PELP1: variants seen among roughly 807,000 people sequenced by gnomAD.
The protein encoded by PELP1 is proline-, glutamic acid- and leucine-rich protein 1.
A neutral mutation model predicts 95.5 loss-of-function variants in PELP1; 32 were observed. The ratio of observed to expected loss-of-function variants is 0.34; its 90% CI spans 0.25 to 0.45. The LOEUF (loss-of-function observed/expected upper bound fraction) is 0.45. PELP1 is among the 20% of genes least tolerant of loss of function. PELP1 has a pLI of 1.00. For missense variants in PELP1, 1,358 were observed against 1,444.8 expected (o/e 0.94, Z 0.97); for synonymous variants, 668 against 600.1 (o/e 1.11, Z -1.65).
Position 4,674,336 on chromosome 17 carries a change from C to A in PELP1, c.1582+174G>T, listed in dbSNP as rs371704802. Among the ~76,000 whole-genome samples the A allele has an allele frequency of 2.0e-5, 3 of 152,372 alleles. No homozygotes were observed. In the South Asian group the frequency reaches 6.2e-4, roughly 32 times the overall value. On this transcript the variant is annotated intron_variant, in intron 13 of 16. Transcript: ENST00000572293. The stretch of plus-strand genomic sequence containing the variant: ...CGCCTGGCTCTGCATTTCACAGGCA[C>A]CTTCCCCTTCACCTGCTGTTTGGGG...
Position 4,670,703 on chromosome 17 carries a change from G to C in PELP1, c.*736C>G, listed in dbSNP as rs1912161792. On this transcript the variant is annotated 3_prime_UTR_variant, in exon 17 of 17. Coordinates refer to ENST00000572293, the MANE Select transcript of PELP1 (RefSeq NM_014389.3). Reference sequence around the variant, plus strand: ...CCACTGCACTCCAGCCTGGGCGACAGAGCAGGAGTCCATCTCAAAAAAAAA... The same window carrying C: ...CCACTGCACTCCAGCCTGGGCGACACAGCAGGAGTCCATCTCAAAAAAAAA... The C allele has an allele frequency of 6.6e-6, 1 of 152,094 alleles. No individual in the cohort carries two copies. The highest frequency in any genetic ancestry group is 2.4e-5 in the African/African-American group (1 of 41,350). The allele number at this position is 152,094 out of a possible 1,614,324, so 9.4% of individuals were successfully genotyped here.
intron 1 of PELP1, among the ~76,000 whole-genome samples, chr17:4,698,962 T>C (rs1913413723): frequency 3.3e-5 from 5 of 152,196 alleles, no homozygotes; most frequent in Admixed American, 3.3e-4. Context: ...AAAAAATATC[T>C]GAAAGAATTC....
intron 3 of PELP1, among the ~76,000 whole-genome samples, 167 bp downstream of exon 3, chr17:4,690,720 TC>T (rs1913068115): frequency 6.6e-6 from 1 of 151,962 alleles, no homozygotes; most frequent in Non-Finnish European, 1.5e-5. Context: ...AGACTCCATC[TC>T]AAAAAAAAAG....
At chr17:4,693,194 C>T (rs1327634977) in intron 1 of PELP1, among the ~76,000 whole-genome samples, 2 of 152,110 alleles carry the variant, frequency 1.3e-5, no homozygotes, top group African/African-American at 4.8e-5. Flanking sequence ...ACGTATATAC[C>T]CAAGAGAAAT....
At position 4,671,162 on chromosome 17, in the gene PELP1, A is replaced by T; in HGVS notation, c.*277T>A. ...CTCCTCATTCTTAACCCTACACACA[A>T]TTCTGCACGTTTAGCATCCAGCCAG... On this transcript the variant is annotated 3_prime_UTR_variant, in exon 17 of 17. Transcript: ENST00000572293. 2.0e-6 allele frequency: 1 copy of T among 500,214 alleles called. No homozygotes were observed. Among genetic ancestry groups the T allele is most frequent in the Non-Finnish European group, 3.6e-6 (1 of 277,538 alleles). 31.0% of individuals were successfully genotyped at this position (500,214 alleles called of 1,614,324 possible).
At chr17:4,683,661 G>A (rs1414903542) in intron 3 of PELP1, among the ~76,000 whole-genome samples, 2 of 150,472 alleles carry the variant, frequency 1.3e-5, no homozygotes, top group Non-Finnish European at 1.5e-5. Context: ...CTCCTGAGTA[G>A]CTGGGATTAC....
In PELP1 at chr17:4,675,383, G is replaced by C. The variant is rs1297578262; in HGVS notation, c.1069-21C>G. ...AAGCTCTGGAGAAAAAAGGGGCAGA[G>C]ATAAAGAGTGGAGGAAGAAAGTGAG... is the stretch of plus-strand genomic sequence containing the variant. On this transcript the variant is annotated intron_variant, in intron 9 of 16. Transcript: ENST00000572293. This position sits in a 1 kb window ranked among gnomAD's most constrained non-coding sequence, Gnocchi z 4.3. 27 of 1,387,460 alleles carry C rather than the reference G, an allele frequency of 1.9e-5. No homozygotes were observed. The allele number at this position is 1,387,460 out of a possible 1,614,324, so 85.9% of individuals were successfully genotyped here.
At position 4,671,702 on chromosome 17, in the gene PELP1, G is replaced by A; in HGVS notation, c.3289C>T (p.Leu1097Phe). ...EMETETEAEA[L>F]QEKEQDDTAA... ...GCCTGGCCTCTCACCTTTTCCTGGA[G>A]AGCTTCGGCCTCTGTCTCTGTCTCC... Residue 1097 changes from leucine to phenylalanine, a missense_variant, in exon 16 of 17, where the codon CTC becomes TTC. Around this residue, in one of 7 missense-constraint regions of PELP1, gnomAD observed 283 missense variants for 284.1 expected, o/e 1.00. Coordinates refer to ENST00000572293, the MANE Select transcript of PELP1 (RefSeq NM_014389.3). 1 of 1,567,316 alleles carries A rather than the reference G, an allele frequency of 6.4e-7. No individual in the cohort carries two copies. Among genetic ancestry groups the A allele is most frequent in the Non-Finnish European group, 8.6e-7 (1 of 1,161,438 alleles).
At chr17:4,685,305 C>A (rs146174946) in intron 3 of PELP1, among the ~76,000 whole-genome samples, 2,330 of 152,220 alleles carry the variant, frequency 0.015, 26 homozygotes, top group Non-Finnish European at 0.022. Flanking sequence ...TTCGCTTGGC[C>A]CCCCCAGCCC....
In PELP1 at chr17:4,672,546, C is replaced by G. The variant is rs1364173659; in HGVS notation, c.2445G>C (p.Gly815=). The G allele has an allele frequency of 6.3e-7, 1 of 1,584,560 alleles. No individual in the cohort carries two copies. Among genetic ancestry groups the G allele is most frequent in the Non-Finnish European group, 8.6e-7 (1 of 1,165,228 alleles). ...GATPPPIAPT[G]PPTASPPVPA... ...GCACAGGAGGGGAGGCTGTTGGTGG[C>G]CCAGTGGGGGCTATAGGGGGTGGTG... is the stretch of plus-strand genomic sequence containing the variant. Residue 815 remains glycine (G), a synonymous_variant, in exon 16 of 17, where the codon GGG becomes GGC. Coordinates refer to ENST00000572293, the MANE Select transcript of PELP1 (RefSeq NM_014389.3).
At position 4,691,433 on chromosome 17, in the gene PELP1, C is replaced by A; in HGVS notation, c.259G>T (p.Ala87Ser). The A allele has an allele frequency of 6.2e-7, 1 of 1,613,026 alleles. No individual in the cohort carries two copies. Among genetic ancestry groups the A allele is most frequent in the South Asian group, 1.1e-5 (1 of 91,058 alleles). ...CTGAGACTCACCAATGCCCCAAGAG[C>A]TGAAAGGTTCTGGAGGAAAGAAAAC... The part of the protein sequence containing the change: ...GSVGGAQNLS[A>S]LGALVSLSNA... The change falls in exon 2 of 17, where the codon GCT (alanine) becomes TCT (serine). Residue 87 changes from alanine (A) to serine (S), a missense_variant. By Grantham distance (99) the Ala-to-Ser change is moderately conservative. Coordinates refer to ENST00000572293, the MANE Select transcript of PELP1 (RefSeq NM_014389.3).
chr17:4,700,907 A>G (rs1913497502), intron 1 of PELP1, among the ~76,000 whole-genome samples: 1 of 137,788 alleles, frequency 7.3e-6, no homozygotes, highest in South Asian at 2.6e-4. Flanking sequence ...CTCCAGCCTG[A>G]GTTAGAGTAA....
chr17:4,688,778 C>T (rs2080832165), intron 3 of PELP1, among the ~76,000 whole-genome samples: 1 of 152,116 alleles, frequency 6.6e-6, no homozygotes, highest in South Asian at 2.1e-4. Flanking sequence ...CTGCCAAAAG[C>T]AATCTACAAA....
intron 13 of PELP1, among the ~76,000 whole-genome samples, chr17:4,674,040 T>C (rs1031464941): frequency 1.3e-5 from 2 of 152,180 alleles, no homozygotes; most frequent in African/African-American, 2.4e-5. Context: ...GACAGGTCAG[T>C]GGTTACGGTG....
intron 5 of PELP1, among the ~76,000 whole-genome samples, chr17:4,680,572 C>A (rs1597449807): frequency 6.6e-6 from 1 of 152,310 alleles, no homozygotes; most frequent in South Asian, 2.1e-4. Flanking sequence ...GCCACCACGC[C>A]CAGCCTCATA....
rs1412811360 is a variant in PELP1, at chr17:4,683,556, A to G, written c.421-604T>C. 1.8e-4 allele frequency among the ~76,000 whole-genome samples: 15 copies of G among 81,582 alleles called. No homozygotes were observed. In the Admixed American group the frequency reaches 2.4e-3, roughly 13 times the overall value. The allele number at this position is 81,582 out of a possible 152,430, so 53.5% of individuals were successfully genotyped here. A position where few individuals can be genotyped will look rare whatever the true frequency, so the allele number is the denominator to read the frequency against. ...CTTTTTTTTTTTTTTTTTGAGACAG[A>G]GTCTTGCTCTGTCCCCCAGGGTGGA... is the stretch of plus-strand genomic sequence containing the variant. On this transcript the variant is annotated intron_variant, in intron 3 of 16. Transcript: ENST00000572293.
Position 4,696,859 on chromosome 17 carries a change from T to A in PELP1, c.250-5417A>T, listed in dbSNP as rs575715571. 2.0e-5 allele frequency: 3 copies of A among 152,090 alleles called. No homozygotes were observed. In the East Asian group the frequency reaches 5.8e-4, roughly 29 times the overall value. 9.4% of individuals were successfully genotyped at this position (152,090 alleles called of 1,614,324 possible). On this transcript the variant is annotated intron_variant, in intron 1 of 16. Coordinates refer to ENST00000572293, the MANE Select transcript of PELP1 (RefSeq NM_014389.3). The stretch of plus-strand genomic sequence containing the variant: ...ATGCCAAGGTTTTTTGCTGAACAAC[T>A]AGAAAGATGAAGCTGCCATTCACCG...
At chr17:4,691,506 A>G (rs1913097886) in intron 1 of PELP1, 64 bp from the exon 2 acceptor site, 1 of 1,320,466 alleles carries the variant, frequency 7.6e-7, no homozygotes, top group Non-Finnish European at 1.1e-6. Context: ...AAGATTCTTC[A>G]AGCCCTTCTC....
intron 1 of PELP1, among the ~76,000 whole-genome samples, chr17:4,698,015 T>C (rs915824417): frequency 6.6e-6 from 1 of 150,670 alleles, no homozygotes; most frequent in Admixed American, 6.6e-5. Context: ...AAGGTTTTTT[T>C]TTTTTTTTTT....
Sources: gnomAD v4.1 joint callset for allele counts (sites outside exome capture counted in the v4.1 genomes callset) on GRCh38, gnomAD v4.1.1 for gene constraint, gnomAD v4.1.1 regional missense constraint, Gnocchi (gnomAD v3.1) non-coding constraint, MANE v1.5 for transcripts, NCBI Gene and HGNC (gene_info 2026-07-23, HGNC 2026-07-21) for gene names.